CHCHD6: variants seen among roughly 807,000 people sequenced by gnomAD.
CHCHD6 encodes coiled-coil-helix-coiled-coil-helix domain containing 6.
A neutral mutation model predicts 32.3 loss-of-function variants in CHCHD6; 28 were observed. That is an observed-to-expected ratio of 0.87 (90% CI 0.64 to 1.19). CHCHD6 has a LOEUF of 1.19. Among genes scored for constraint, CHCHD6 ranks in the 50% most tolerant of loss-of-function variants. The pLI is 0.00. For synonymous variants in CHCHD6, 122 were observed against 117.5 expected (o/e 1.04, Z -0.25); for missense variants, 333 against 307.0 (o/e 1.08, Z -0.63).
chr3:126,803,132 G>A (rs893468587), intron 4 of CHCHD6, among the ~76,000 whole-genome samples: 1 of 151,840 alleles, frequency 6.6e-6, no homozygotes, highest in Admixed American at 6.6e-5. Flanking sequence ...AAAGACCATC[G>A]AGACTAGGAA....
At chr3:126,790,191 C>G (rs910107539) in intron 4 of CHCHD6, among the ~76,000 whole-genome samples, 34 of 152,114 alleles carry the variant, frequency 2.2e-4, no homozygotes, top group African/African-American at 8.0e-4. Context: ...GCTGAGAGAT[C>G]AGCTGTTAGT....
At chr3:126,772,751 G>A (rs1332516076) in intron 4 of CHCHD6, among the ~76,000 whole-genome samples, 1 of 152,156 alleles carries the variant, frequency 6.6e-6, no homozygotes, top group Non-Finnish European at 1.5e-5. Flanking sequence ...GTATTGATAT[G>A]TGTGAATTTG....
chr3:126,915,011 C>G lies in CHCHD6; in HGVS notation c.566+261C>G, dbSNP rs903288039. Among the ~76,000 whole-genome samples, 3 of 152,354 alleles carry G rather than the reference C, an allele frequency of 2.0e-5. 1 individual carries two copies. On this transcript the variant is annotated intron_variant, in intron 6 of 7. Coordinates refer to ENST00000290913, the MANE Select transcript of CHCHD6 (RefSeq NM_032343.3). ...GACTTGCAGAGTTATTTTCGGGGCC[C>G]AGTGTCTGCTGAGCAGGGGCTCCTT...
chr3:126,790,132 A>T (rs566877543), intron 4 of CHCHD6, among the ~76,000 whole-genome samples: 2 of 152,056 alleles, frequency 1.3e-5, no homozygotes, highest in African/African-American at 4.8e-5. Context: ...TCTTTTCTTT[A>T]AGAATGTTGA....
intron 5 of CHCHD6, chr3:126,865,487 C>A: frequency 1.2e-6 from 1 of 826,524 alleles, no homozygotes; most frequent in Non-Finnish European, 1.5e-6. Flanking sequence ...ACTCCATCAC[C>A]AACTTCGCCT....
At chr3:126,934,087 A>G (rs2078443423) in intron 6 of CHCHD6, among the ~76,000 whole-genome samples, 1 of 152,238 alleles carries the variant, frequency 6.6e-6, no homozygotes, top group Non-Finnish European at 1.5e-5. Context: ...AGCTCACAGA[A>G]GTCAGACCAC....
intron 5 of CHCHD6, among the ~76,000 whole-genome samples, chr3:126,854,544 A>T (rs1040231869): frequency 5.9e-5 from 9 of 152,326 alleles, no homozygotes; most frequent in Admixed American, 4.6e-4. Context: ...GGCTGGGAAG[A>T]TGGAAAACAC....
At chr3:126,754,838 G>A (rs1216509217) in intron 4 of CHCHD6, among the ~76,000 whole-genome samples, 1 of 152,212 alleles carries the variant, frequency 6.6e-6, no homozygotes, top group Admixed American at 6.5e-5. Context: ...CACCTTTGGT[G>A]CTTTGGCCTT....
chr3:126,766,842 C>G, intron 4 of CHCHD6: 1 of 967,272 alleles, frequency 1.0e-6, no homozygotes, highest in Non-Finnish European at 1.7e-6. Flanking sequence ...TCTGGGACAC[C>G]CGATGTCCAG....
At chr3:126,814,976 G>C (rs1218488271) in intron 4 of CHCHD6, among the ~76,000 whole-genome samples, 1 of 152,212 alleles carries the variant, frequency 6.6e-6, no homozygotes, top group Non-Finnish European at 1.5e-5. Context: ...TACCCAGCTA[G>C]CGTCTGCTGT....
chr3:126,831,190 A>AT (rs1055315640), intron 4 of CHCHD6, among the ~76,000 whole-genome samples: 20 of 151,622 alleles, frequency 1.3e-4, no homozygotes, highest in Middle Eastern at 3.2e-3. Context: ...TGCCTGGCTA[A>AT]TTTTTTTTGT....
intron 5 of CHCHD6, among the ~76,000 whole-genome samples, chr3:126,873,687 G>A (rs1413780665): frequency 6.6e-6 from 1 of 152,216 alleles, no homozygotes; most frequent in Non-Finnish European, 1.5e-5. Flanking sequence ...TCTCCCAGAG[G>A]TCTGTGGCCT....
At chr3:126,729,702 G>GC (rs1300762936) in intron 2 of CHCHD6, among the ~76,000 whole-genome samples, 3 of 152,076 alleles carry the variant, frequency 2.0e-5, no homozygotes, top group Non-Finnish European at 4.4e-5. Flanking sequence ...TTTCAGAAGT[G>GC]CCCCCCGAAG....
At chr3:126,802,175 A>G (rs1458278805) in intron 4 of CHCHD6, among the ~76,000 whole-genome samples, 1 of 152,262 alleles carries the variant, frequency 6.6e-6, no homozygotes, top group African/African-American at 2.4e-5. Flanking sequence ...CTCCAAAGGA[A>G]TGCAGTTCCT....
intron 4 of CHCHD6, among the ~76,000 whole-genome samples, chr3:126,790,915 TC>T (rs1938501929): frequency 6.6e-6 from 1 of 152,134 alleles, no homozygotes; most frequent in Non-Finnish European, 1.5e-5. Context: ...TTTAGAATTT[TC>T]AGTTTTTCTC....
intron 4 of CHCHD6, among the ~76,000 whole-genome samples, chr3:126,851,312 G>C (rs1194342904): frequency 6.6e-6 from 1 of 152,168 alleles, no homozygotes; most frequent in Non-Finnish European, 1.5e-5. Flanking sequence ...CAAAAACTTG[G>C]GTTCATGTCT....
chr3:126,779,386 A>G (rs1049546432), intron 4 of CHCHD6, among the ~76,000 whole-genome samples: 1 of 152,220 alleles, frequency 6.6e-6, no homozygotes, highest in African/African-American at 2.4e-5. Flanking sequence ...AAAATACAAA[A>G]ATTAGCTGGG....
At chr3:126,726,391 T>C (rs1935535119) in intron 1 of CHCHD6, among the ~76,000 whole-genome samples, 2 of 152,188 alleles carry the variant, frequency 1.3e-5, no homozygotes, top group Non-Finnish European at 1.5e-5. Context: ...TAACATGAAA[T>C]GTCACTGATC....
Position 126,914,819 on chromosome 3 carries a change from A to G in CHCHD6, c.566+69A>G, listed in dbSNP as rs1013212671. ...GTAAAAATTCCCACATGTGGCTTGA[A>G]ACCTGCCACCACCTGCCTAATTTCA... On this transcript the variant is annotated intron_variant, in intron 6 of 7. Coordinates refer to ENST00000290913, the MANE Select transcript of CHCHD6 (RefSeq NM_032343.3). The G allele has an allele frequency of 6.1e-5, 52 of 856,240 alleles. No homozygotes were observed. The African/African-American group carries it at 7.8e-4, about 13-fold the overall frequency. The allele number at this position is 856,240 out of a possible 1,614,324, so 53.0% of individuals were successfully genotyped here. A position where few individuals can be genotyped will look rare whatever the true frequency, so the allele number is the denominator to read the frequency against.
Sources: gnomAD v4.1 joint callset for allele counts (sites outside exome capture counted in the v4.1 genomes callset) on GRCh38, gnomAD v4.1.1 for gene constraint, MANE v1.5 for transcripts, NCBI Gene and HGNC (gene_info 2026-07-23, HGNC 2026-07-21) for gene names.